Variants in SEMA6D observed in about 807,000 individuals in gnomAD.
SEMA6D encodes the protein semaphorin 6D.
Under a neutral mutation model 106.6 loss-of-function variants are expected in SEMA6D, and 35 were observed. The ratio of observed to expected loss-of-function variants is 0.33; its 90% CI spans 0.25 to 0.44. SEMA6D has a LOEUF of 0.44. SEMA6D is among the 20% of genes least tolerant of loss of function. SEMA6D has a pLI of 1.00. For synonymous variants in SEMA6D, 499 were observed against 487.7 expected, an observed-to-expected ratio of 1.02 and a Z score of -0.31; for missense variants, 1,185 against 1,345.9, an observed-to-expected ratio of 0.88 and a Z score of 1.87.
chr15:47,699,529 A>T (rs1231734038), intron 4 of SEMA6D, among the ~76,000 whole-genome samples: 2 of 152,214 alleles, frequency 1.3e-5, no homozygotes, highest in Non-Finnish European at 2.9e-5. Flanking sequence ...GTTCTGTTTA[A>T]TTAACAGATC....
chr15:47,277,774 C>G (rs1037374227), intron 1 of SEMA6D, among the ~76,000 whole-genome samples: 1 of 151,756 alleles, frequency 6.6e-6, no homozygotes, highest in South Asian at 2.1e-4. Context: ...CCCCACACCC[C>G]ACAACAGTCC....
chr15:47,540,350 C>T (rs937100092), intron 3 of SEMA6D, among the ~76,000 whole-genome samples: 1 of 151,748 alleles, frequency 6.6e-6, no homozygotes, highest in Non-Finnish European at 1.5e-5. Context: ...GGTGGGCGAC[C>T]TCTGAATGTG....
At position 47,208,914 on chromosome 15, in the gene SEMA6D, CTGTT is replaced by C. The variant is rs568798892; in HGVS notation, c.-239+24500_-239+24503del. 7.4e-4 allele frequency among the ~76,000 whole-genome samples: 112 copies of C among 152,180 alleles called. 1 individual carries two copies. The highest frequency in any genetic ancestry group is 1.7e-3 in the Admixed American group (26 of 15,284). On this transcript the variant is annotated intron_variant, in intron 1 of 19. Transcript: ENST00000558014. ...ACTGCCTGTGGTTTCTTTCACTCTG[CTGTT>C]TGTCCAAATGTGAGTAACAATAAAG...
intron 1 of SEMA6D, among the ~76,000 whole-genome samples, chr15:47,256,715 C>T (rs190239650): frequency 5.4e-4 from 82 of 151,968 alleles, no homozygotes; most frequent in African/African-American, 1.6e-3. Context: ...AAAAATTAGC[C>T]GGGCTTGGTG....
chr15:47,443,931 A>C (rs1184753389), intron 2 of SEMA6D, among the ~76,000 whole-genome samples: 1 of 152,138 alleles, frequency 6.6e-6, no homozygotes, highest in Non-Finnish European at 1.5e-5. Flanking sequence ...CTAGACCAAA[A>C]TAAGTGCAAA....
intron 2 of SEMA6D, among the ~76,000 whole-genome samples, chr15:47,416,213 A>C (rs901955224): frequency 6.6e-6 from 1 of 152,096 alleles, no homozygotes; most frequent in Non-Finnish European, 1.5e-5. Flanking sequence ...ACCTCCAATC[A>C]CATGGCAGCA....
intron 4 of SEMA6D, among the ~76,000 whole-genome samples, chr15:47,637,696 GTAAA>G (rs1354095569): frequency 6.6e-6 from 1 of 152,180 alleles, no homozygotes; most frequent in Non-Finnish European, 1.5e-5. Flanking sequence ...TTCAAATCAT[GTAAA>G]TAAAGTAGTG....
intron 3 of SEMA6D, among the ~76,000 whole-genome samples, chr15:47,590,391 G>A (rs561204272): frequency 2.7e-5 from 4 of 148,542 alleles, no homozygotes; most frequent in Non-Finnish European, 4.5e-5. Context: ...GGGGTGGGGG[G>A]CTGGGGGAAG....
rs2082034428 is a variant in SEMA6D at position 47,761,046 on chromosome 15, AC to A, written c.282+9del. The A allele has an allele frequency of 6.2e-7, 1 of 1,613,142 alleles. No individual in the cohort carries two copies. The highest frequency in any genetic ancestry group is 8.5e-7 in the Non-Finnish European group (1 of 1,179,488). On this transcript the variant is annotated intron_variant, in intron 4 of 18. Transcript: ENST00000536845. Reference sequence around the variant, plus strand: ...GAAGTAATACCCAACAAGGTGAGCAACTGTAGTTGGCAAATTTATTTACCTT... The same window carrying A: ...GAAGTAATACCCAACAAGGTGAGCAATGTAGTTGGCAAATTTATTTACCTT...
At chr15:47,631,771 A>G (rs1280344728) in intron 4 of SEMA6D, among the ~76,000 whole-genome samples, 2 of 151,978 alleles carry the variant, frequency 1.3e-5, no homozygotes, top group African/African-American at 4.8e-5. Context: ...CCAGAACTAT[A>G]AGAGAATGAA....
chr15:47,567,589 AC>A (rs2046264861), intron 3 of SEMA6D, among the ~76,000 whole-genome samples: 1 of 151,996 alleles, frequency 6.6e-6, no homozygotes, highest in South Asian at 2.1e-4. Flanking sequence ...CTCTTTGAAA[AC>A]CCATTCCTGG....
rs1420939898 is a variant in SEMA6D at position 47,212,619 on chromosome 15, T to G, written c.-239+28201T>G. ...TCCACTTTCTGTAATTCTATTTCCT[T>G]TTAAGTCTATACTGTTTCTCAAAGC... On this transcript the variant is annotated intron_variant, in intron 1 of 19. Transcript: ENST00000558014. Among the ~76,000 whole-genome samples the G allele has an allele frequency of 2.0e-5, 3 of 152,208 alleles. No homozygotes were observed. The East Asian group carries it at 5.8e-4, about 29-fold the overall frequency.
At chr15:47,348,716 CACCACACACACAGAGAGAGAGAGAG>C (rs2038163538) in intron 1 of SEMA6D, among the ~76,000 whole-genome samples, 6 of 43,808 alleles carry the variant, frequency 1.4e-4, no homozygotes, top group Non-Finnish European at 3.2e-4. Context: ...CACACACACA[CACCACACACACAGAGAGAGAGAGAG>C]AGAGAGAGAG....
intron 1 of SEMA6D, among the ~76,000 whole-genome samples, chr15:47,357,299 A>G (rs2038619799): frequency 6.6e-6 from 1 of 152,132 alleles, no homozygotes; most frequent in African/African-American, 2.4e-5. Flanking sequence ...GGGCCACTGC[A>G]TTCCATCCTG....
chr15:47,427,005 A>T (rs1006235020), intron 2 of SEMA6D, among the ~76,000 whole-genome samples: 2 of 152,202 alleles, frequency 1.3e-5, no homozygotes, highest in African/African-American at 4.8e-5. Context: ...AAAAGGAATG[A>T]ATAAGTCAGG....
chr15:47,360,218 A>C (rs2038751399), intron 1 of SEMA6D: 1 of 152,178 alleles, frequency 6.6e-6, no homozygotes, highest in Non-Finnish European at 1.5e-5. Context: ...TCCTGAGGCT[A>C]TTATTCCAGA....
intron 1 of SEMA6D, among the ~76,000 whole-genome samples, chr15:47,405,887 G>A (rs1357659701): frequency 6.6e-6 from 1 of 152,084 alleles, no homozygotes; most frequent in Non-Finnish European, 1.5e-5. Flanking sequence ...GCAGAACCAG[G>A]CATCTGGTAG....
chr15:47,692,936 A>G (rs1430720443), intron 4 of SEMA6D, among the ~76,000 whole-genome samples: 1 of 128,284 alleles, frequency 7.8e-6, no homozygotes, highest in East Asian at 2.1e-4. Flanking sequence ...GGGAAATCTT[A>G]CAAAAAGGAG....
At chr15:47,770,430 G>A in intron 18 of SEMA6D, 67 bp from the exon 19 acceptor site, 1 of 1,373,792 alleles carries the variant, frequency 7.3e-7, no homozygotes, top group Non-Finnish European at 1.0e-6. Context: ...CTCACTGAAA[G>A]CCATTTGCTA....
Sources: allele counts gnomAD v4.1 joint callset (sites outside exome capture counted in the v4.1 genomes callset), GRCh38; gene constraint gnomAD v4.1.1; transcripts MANE v1.5; gene names NCBI Gene and HGNC (gene_info 2026-07-23, HGNC 2026-07-21).